Variants in TTC28 observed in about 807,000 individuals in gnomAD.
The protein encoded by TTC28 is tetratricopeptide repeat protein 28.
Under a neutral mutation model 198.0 loss-of-function variants are expected in TTC28, and 61 were observed. The observed-to-expected ratio is 0.31, with a 90% CI of 0.25 to 0.38. TTC28 has a LOEUF of 0.38. Ranked by LOEUF, TTC28 falls within the 10% of genes least tolerant of loss-of-function variation. TTC28 has a pLI of 1.00. For synonymous variants in TTC28, 1,171 were observed against 1,297.8 expected (o/e 0.90, Z 2.10); for missense variants, 2,678 against 3,164.0 (o/e 0.85, Z 3.69).
rs961174829 is a variant in TTC28 at position 28,101,252 on chromosome 22, T to C, written c.3336A>G (p.Arg1112=). 4.5e-6 allele frequency: 7 copies of C among 1,551,598 alleles called. No homozygotes were observed. In the African/African-American group the frequency reaches 8.2e-5, roughly 18 times the overall value. ...GGCGAATTTTTGCCTCATCTTCTCT[T>C]CGGCCCAGTTGCTCAGCTAACCTTA... ...EGLRLAEQLG[R]REDEAKIRHG... Residue 1112 remains arginine (R), a synonymous_variant, in exon 9 of 23, where the codon CGA becomes CGG. Coordinates refer to ENST00000397906, the MANE Select transcript of TTC28 (RefSeq NM_001145418.2).
At chr22:28,297,435 C>G in intron 4 of TTC28, 145 bp downstream of exon 4, 1 of 1,007,100 alleles carries the variant, frequency 9.9e-7, no homozygotes, top group South Asian at 1.9e-5. Context: ...AAATTCCTGG[C>G]CTTAAGCAAT....
At chr22:28,423,489 G>C (rs1466269852) in intron 2 of TTC28, among the ~76,000 whole-genome samples, 1 of 152,172 alleles carries the variant, frequency 6.6e-6, no homozygotes, top group African/African-American at 2.4e-5. Flanking sequence ...ATTCAGTAAA[G>C]TATGATAAAA....
chr22:28,357,288 G>A (rs1357140305), intron 2 of TTC28, among the ~76,000 whole-genome samples: 1 of 150,322 alleles, frequency 6.7e-6, no homozygotes, highest in Non-Finnish European at 1.5e-5. Flanking sequence ...TAGTCATTAG[G>A]TAGAAATCAC....
intron 2 of TTC28, among the ~76,000 whole-genome samples, chr22:28,497,137 T>C (rs1489459726): frequency 1.3e-5 from 2 of 152,210 alleles, no homozygotes; most frequent in African/African-American, 4.8e-5. Context: ...ACAGAACTTA[T>C]CGACATCTAA....
At position 28,001,356 on chromosome 22, in the gene TTC28, CAT is replaced by C. The variant is rs964213956; in HGVS notation, c.4398+16_4398+17del. The stretch of plus-strand genomic sequence containing the variant: ...CGAAAACAAGCCCCCGGCCCCCCAC[CAT>C]GTGTGTGAGCCTTACCTTGGACTGC... On this transcript the variant is annotated intron_variant, in intron 15 of 22. Transcript: ENST00000397906. 4.6e-6 allele frequency: 7 copies of C among 1,532,894 alleles called. No homozygotes were observed. The African/African-American group carries it at 6.9e-5, about 15-fold the overall frequency. 95.0% of individuals were successfully genotyped at this position (1,532,894 alleles called of 1,614,324 possible). A position where few individuals can be genotyped will look rare whatever the true frequency, so the allele number is the denominator to read the frequency against.
intron 14 of TTC28, among the ~76,000 whole-genome samples, chr22:28,011,636 T>C (rs974841374): frequency 2.0e-5 from 3 of 152,006 alleles, no homozygotes; most frequent in African/African-American, 7.3e-5. Flanking sequence ...GTTGAATCCA[T>C]AGATGAGGAA....
At chr22:28,484,799 T>C (rs2048296751) in intron 2 of TTC28, among the ~76,000 whole-genome samples, 1 of 152,210 alleles carries the variant, frequency 6.6e-6, no homozygotes. Context: ...ACCTCGTAAC[T>C]ATTCTCTGAA....
At chr22:28,556,523 T>C (rs1434804760) in intron 2 of TTC28, among the ~76,000 whole-genome samples, 1 of 152,254 alleles carries the variant, frequency 6.6e-6, no homozygotes, top group Non-Finnish European at 1.5e-5. Context: ...ACTCTCTAAG[T>C]AATCCATCTT....
At chr22:28,572,815 T>C in intron 2 of TTC28, among the ~76,000 whole-genome samples, 1 of 152,176 alleles carries the variant, frequency 6.6e-6, no homozygotes, top group Non-Finnish European at 1.5e-5. Flanking sequence ...TTTAAAGCTA[T>C]GCCTATAAGT....
intron 4 of TTC28, among the ~76,000 whole-genome samples, chr22:28,297,086 T>A (rs541327895): frequency 6.6e-6 from 1 of 152,348 alleles, no homozygotes; most frequent in Admixed American, 6.5e-5. Flanking sequence ...AAGAGGGCAA[T>A]GAGTATGTTA....
intron 12 of TTC28, among the ~76,000 whole-genome samples, chr22:28,078,394 T>C (rs1434916582): frequency 6.6e-6 from 1 of 152,142 alleles, no homozygotes; most frequent in East Asian, 1.9e-4. Flanking sequence ...TCAAACTTAC[T>C]GATGTCTAAC....
At chr22:28,248,749 C>A (rs1930296498) in intron 5 of TTC28, among the ~76,000 whole-genome samples, 1 of 152,126 alleles carries the variant, frequency 6.6e-6, no homozygotes, top group Admixed American at 6.5e-5. Context: ...ACTCTTATTT[C>A]AAGTCATCGT....
intron 6 of TTC28, among the ~76,000 whole-genome samples, chr22:28,128,697 C>G (rs1482512044): frequency 6.6e-6 from 1 of 152,032 alleles, no homozygotes; most frequent in African/African-American, 2.4e-5. Context: ...TACCACCATG[C>G]CCGGCTAATT....
At chr22:28,387,556 T>C (rs1157107712) in intron 2 of TTC28, among the ~76,000 whole-genome samples, 2 of 152,192 alleles carry the variant, frequency 1.3e-5, no homozygotes, top group Admixed American at 6.5e-5. Context: ...TGAGATGGTA[T>C]CTCATTGTGG....
At chr22:28,318,880 G>A (rs1310665546) in intron 2 of TTC28, among the ~76,000 whole-genome samples, 1 of 124,376 alleles carries the variant, frequency 8.0e-6, no homozygotes, top group Non-Finnish European at 1.6e-5. Flanking sequence ...GTACAGTGGT[G>A]TGATCAAGGC....
chr22:28,192,299 C>T (rs898381905), intron 5 of TTC28, among the ~76,000 whole-genome samples: 1 of 152,072 alleles, frequency 6.6e-6, no homozygotes, highest in Non-Finnish European at 1.5e-5. Context: ...ATGTCACCAT[C>T]ATCAAAGACC....
At chr22:27,999,350 T>G in intron 15 of TTC28, 90 bp from the exon 16 acceptor site, 1 of 1,450,846 alleles carries the variant, frequency 6.9e-7, no homozygotes, top group East Asian at 2.5e-5. Flanking sequence ...GACGGCCAGC[T>G]CTCTGCTGGT....
chr22:28,200,075 T>TTA (rs2057840423), intron 5 of TTC28, among the ~76,000 whole-genome samples: 2 of 152,146 alleles, frequency 1.3e-5, no homozygotes, highest in African/African-American at 2.4e-5. Context: ...AAATAAAACT[T>TTA]TATTTTTATA....
intron 2 of TTC28, among the ~76,000 whole-genome samples, chr22:28,314,368 A>T (rs1190735807): frequency 6.6e-6 from 1 of 152,208 alleles, no homozygotes; most frequent in African/African-American, 2.4e-5. Context: ...AACTACTTTA[A>T]AGTTCATATG....
Sources: gnomAD v4.1 joint callset for allele counts (sites outside exome capture counted in the v4.1 genomes callset) on GRCh38, gnomAD v4.1.1 for gene constraint, MANE v1.5 for transcripts, NCBI Gene and HGNC (gene_info 2026-07-23, HGNC 2026-07-21) for gene names.